GALNTL6: variants seen among roughly 807,000 people sequenced by gnomAD.
GALNTL6 encodes polypeptide N-acetylgalactosaminyltransferase-like 6.
Under a neutral mutation model 73.7 loss-of-function variants are expected in GALNTL6, and 46 were observed. The observed-to-expected ratio is 0.62, with a 90% CI of 0.49 to 0.80. The LOEUF is 0.80. GALNTL6 is among the 30% of genes least tolerant of loss of function. The probability of loss-of-function intolerance (pLI) is 0.00; values close to 1 mark genes in which losing one functional copy is unlikely to be tolerated. For missense variants in GALNTL6, 604 were observed against 755.0 expected (o/e 0.80, Z 2.34); for synonymous variants, 259 against 263.7 (o/e 0.98, Z 0.17).
chr4:171,957,075 G>T (rs904427058), intron 2 of GALNTL6, among the ~76,000 whole-genome samples: 1 of 152,160 alleles, frequency 6.6e-6, no homozygotes, highest in Non-Finnish European at 1.5e-5. Flanking sequence ...TTTCTACTTT[G>T]TAGTGTACCT....
At chr4:171,840,397 G>A (rs976879965) in intron 2 of GALNTL6, among the ~76,000 whole-genome samples, 9 of 152,078 alleles carry the variant, frequency 5.9e-5, no homozygotes, top group Non-Finnish European at 8.8e-5. Flanking sequence ...TAAAGAAACC[G>A]TGGGCACTTG....
intron 7 of GALNTL6, among the ~76,000 whole-genome samples, chr4:172,875,285 T>G (rs934245884): frequency 6.6e-6 from 1 of 152,172 alleles, no homozygotes. Flanking sequence ...ACCAAGGTCA[T>G]TATCCTATTA....
intron 4 of GALNTL6, among the ~76,000 whole-genome samples, 189 bp from the exon 5 acceptor site, chr4:172,348,334 T>G (rs569868025): frequency 1.3e-5 from 2 of 152,240 alleles, no homozygotes; most frequent in South Asian, 4.1e-4. Flanking sequence ...TAAGAGTGAG[T>G]GTGAAAGGAG....
intron 2 of GALNTL6, among the ~76,000 whole-genome samples, chr4:172,030,242 C>G (rs1741726548): frequency 1.3e-5 from 2 of 152,014 alleles, no homozygotes. Flanking sequence ...TTTCACCTAT[C>G]TAATCTAATC....
At chr4:172,607,340 T>C (rs552387049) in intron 5 of GALNTL6, among the ~76,000 whole-genome samples, 2 of 152,264 alleles carry the variant, frequency 1.3e-5, no homozygotes, top group East Asian at 1.9e-4. Flanking sequence ...TTCCGTTCTT[T>C]GTGTTCATGT....
At chr4:172,824,382 GTGTGTGTGTGTGTT>G (rs879668566) in intron 7 of GALNTL6, among the ~76,000 whole-genome samples, 11,446 of 146,630 alleles carry the variant, frequency 0.078, 886 homozygotes, top group African/African-American at 0.2. Flanking sequence ...GTGTGAGTGT[GTGTGTGTGTGTGTT>G]TGTGTGTGTG....
intron 3 of GALNTL6, among the ~76,000 whole-genome samples, chr4:172,293,185 A>G (rs1418920546): frequency 1.3e-5 from 2 of 152,148 alleles, no homozygotes; most frequent in African/African-American, 4.8e-5. Flanking sequence ...TTGATGAAGA[A>G]TATGTTTATG....
intron 5 of GALNTL6, among the ~76,000 whole-genome samples, chr4:172,572,250 C>T (rs1389928551): frequency 6.6e-6 from 1 of 152,072 alleles, no homozygotes; most frequent in East Asian, 1.9e-4. Context: ...TACTGCCTTC[C>T]AAGTGTCATT....
intron 5 of GALNTL6, among the ~76,000 whole-genome samples, chr4:172,535,177 C>T (rs2110857671): frequency 6.6e-6 from 1 of 152,138 alleles, no homozygotes; most frequent in South Asian, 2.1e-4. Flanking sequence ...AGACCTGAAA[C>T]AATAGTATTA....
At chr4:172,997,655 G>C (rs1049808735) in intron 10 of GALNTL6, among the ~76,000 whole-genome samples, 1 of 152,166 alleles carries the variant, frequency 6.6e-6, no homozygotes, top group Non-Finnish European at 1.5e-5. Context: ...GGGGCAGGGG[G>C]AAGGGTGAAG....
At position 172,222,529 on chromosome 4, in the gene GALNTL6, GCATT is replaced by G. The variant is rs373389675; in HGVS notation, c.139-7124_139-7121del. Among the ~76,000 whole-genome samples the G allele has an allele frequency of 2.7e-3, 407 of 151,246 alleles. 3 individuals are homozygous for G. The highest frequency in any genetic ancestry group is 9.3e-3 in the African/African-American group (384 of 41,152). On this transcript the variant is annotated intron_variant, in intron 2 of 12. Transcript: ENST00000506823. Reference sequence around the variant, plus strand: ...CTCATCTGGGATGCTGAGGATTAAGGCATTCAGTTTTTTTTATCCTCAAAATAAA... The same window carrying G: ...CTCATCTGGGATGCTGAGGATTAAGGCAGTTTTTTTTATCCTCAAAATAAA...
chr4:171,862,956 A>C (rs1055566014), intron 2 of GALNTL6, among the ~76,000 whole-genome samples: 6 of 152,222 alleles, frequency 3.9e-5, no homozygotes, highest in Admixed American at 2.0e-4. Context: ...CATATTGTGA[A>C]GACCAAAATA....
chr4:171,930,739 G>A (rs1738156932), intron 2 of GALNTL6, among the ~76,000 whole-genome samples: 2 of 152,190 alleles, frequency 1.3e-5, no homozygotes, highest in South Asian at 4.1e-4. Context: ...GGGAGGCTAA[G>A]GCAGAGAATC....
intron 5 of GALNTL6, among the ~76,000 whole-genome samples, chr4:172,594,967 G>A (rs932561962): frequency 6.6e-6 from 1 of 152,150 alleles, no homozygotes; most frequent in African/African-American, 2.4e-5. Flanking sequence ...AGGTCAGGGT[G>A]GCCCCGTGGT....
At chr4:172,429,984 G>T (rs1731379305) in intron 5 of GALNTL6, among the ~76,000 whole-genome samples, 1 of 151,912 alleles carries the variant, frequency 6.6e-6, no homozygotes, top group African/African-American at 2.4e-5. Context: ...TGAGGTATTA[G>T]TGTAAAAACT....
intron 5 of GALNTL6, among the ~76,000 whole-genome samples, chr4:172,381,656 A>G (rs1284796349): frequency 6.6e-6 from 1 of 152,194 alleles, no homozygotes; most frequent in East Asian, 1.9e-4. Flanking sequence ...GATATATCAC[A>G]TCTGTGTTTA....
chr4:172,538,724 G>A (rs75125795), intron 5 of GALNTL6, among the ~76,000 whole-genome samples: 1 of 152,094 alleles, frequency 6.6e-6, no homozygotes, highest in Non-Finnish European at 1.5e-5. Flanking sequence ...ATAAATAGAA[G>A]TATAACATTT....
intron 5 of GALNTL6, among the ~76,000 whole-genome samples, chr4:172,720,681 C>G (rs1280825232): frequency 6.6e-6 from 1 of 152,164 alleles, no homozygotes; most frequent in African/African-American, 2.4e-5. Context: ...ATTTTTTAAT[C>G]AAACTAATTA....
intron 5 of GALNTL6, among the ~76,000 whole-genome samples, chr4:172,519,136 C>A (rs1391024388): frequency 6.7e-6 from 1 of 150,074 alleles, no homozygotes; most frequent in Non-Finnish European, 1.5e-5. Context: ...ATTGTCAACT[C>A]CTGCAAATAT....
Sources: allele counts gnomAD v4.1 joint callset (sites outside exome capture counted in the v4.1 genomes callset), GRCh38; gene constraint gnomAD v4.1.1; transcripts MANE v1.5; gene names NCBI Gene and HGNC (gene_info 2026-07-23, HGNC 2026-07-21).